B4GALT6: variants seen among roughly 807,000 people sequenced by gnomAD.
B4GALT6 encodes the protein beta-1,4-galactosyltransferase 6, also known as UDP-Gal:beta-GlcNAc beta-1,4-galactosyltransferase 6.
Under a neutral mutation model 46.3 loss-of-function variants are expected in B4GALT6, and 14 were observed. That is an observed-to-expected ratio of 0.30 (90% CI 0.20 to 0.47). B4GALT6 has a LOEUF of 0.47. B4GALT6 is among the 20% of genes least tolerant of loss of function. The probability of loss-of-function intolerance (pLI) is 0.99; values close to 1 mark genes in which losing one functional copy is unlikely to be tolerated. For synonymous variants in B4GALT6, 168 were observed against 162.0 expected (o/e 1.04, Z -0.28); for missense variants, 386 against 480.1 (o/e 0.80, Z 1.83).
chr18:31,683,908 T>C (rs2074510424), intron 1 of B4GALT6, among the ~76,000 whole-genome samples: 1 of 152,164 alleles, frequency 6.6e-6, no homozygotes, highest in Admixed American at 6.5e-5. Flanking sequence ...GGCTCCTCCA[T>C]ATTTTTACAA....
At chr18:31,711,446 TC>T in the B4GALT6 span, among the ~76,000 whole-genome samples, 1 of 152,096 alleles carries the variant, frequency 6.6e-6, no homozygotes, top group African/African-American at 2.4e-5. Flanking sequence ...TCTCTTGCTG[TC>T]CCCCTCTTTG....
chr18:31,694,223 C>G, the B4GALT6 span, among the ~76,000 whole-genome samples: 1 of 152,128 alleles, frequency 6.6e-6, no homozygotes, highest in Non-Finnish European at 1.5e-5. Context: ...GAATAATATG[C>G]CTGAGAAAGA....
upstream of B4GALT6, chr18:31,684,603 A>C: frequency 7.9e-7 from 1 of 1,263,258 alleles, no homozygotes; most frequent in Non-Finnish European, 1.0e-6. Flanking sequence ...GAGCGGACGG[A>C]ATGAATGGGA....
At chr18:31,717,721 G>A in the B4GALT6 span, among the ~76,000 whole-genome samples, 12 of 152,042 alleles carry the variant, frequency 7.9e-5, no homozygotes, top group Non-Finnish European at 1.2e-4. Context: ...TTGGGAGGCC[G>A]AGGCAGGCGG....
chr18:31,623,992 G>T lies in B4GALT6; in HGVS notation c.*1622C>A, dbSNP rs1262090294. On this transcript the variant is annotated 3_prime_UTR_variant, in exon 9 of 9. Coordinates refer to ENST00000306851, the MANE Select transcript of B4GALT6 (RefSeq NM_004775.5). ...TCACTTTATAGATATTTAATTTTTTGTTTAAAATTTGTGAAAATATCAAGA... is the reference window on the plus strand; with the variant it reads ...TCACTTTATAGATATTTAATTTTTTTTTTAAAATTTGTGAAAATATCAAGA... 1.3e-5 allele frequency: 2 copies of T among 151,674 alleles called. No individual in the cohort carries two copies. The highest frequency in any genetic ancestry group is 4.8e-5 in the African/African-American group (2 of 41,324). The allele number at this position is 151,674 out of a possible 1,614,324, so 9.4% of individuals were successfully genotyped here. A position where few individuals can be genotyped will look rare whatever the true frequency, so the allele number is the denominator to read the frequency against.
intron 4 of B4GALT6, among the ~76,000 whole-genome samples, chr18:31,639,858 A>G (rs1411190969): frequency 6.6e-6 from 1 of 152,222 alleles, no homozygotes; most frequent in Non-Finnish European, 1.5e-5. Context: ...ATGAATGATC[A>G]TCAATCATCA....
At chr18:31,673,520 A>G (rs1242270233) in intron 1 of B4GALT6, among the ~76,000 whole-genome samples, 3 of 152,280 alleles carry the variant, frequency 2.0e-5, no homozygotes, top group East Asian at 3.9e-4. Flanking sequence ...GGAAGGCAAC[A>G]TTCAGAATTG....
chr18:31,690,914 G>A, the B4GALT6 span, among the ~76,000 whole-genome samples: 47 of 152,208 alleles, frequency 3.1e-4, no homozygotes, highest in African/African-American at 9.9e-4. Context: ...ACCAAACACC[G>A]CATGTTCTCA....
intron 3 of B4GALT6, among the ~76,000 whole-genome samples, chr18:31,651,810 T>A (rs940533868): frequency 1.3e-5 from 2 of 152,044 alleles, no homozygotes; most frequent in Admixed American, 6.6e-5. Context: ...TCCCTCTGTT[T>A]CCCAGGCTGA....
chr18:31,688,356 T>C (rs1364818593), upstream of B4GALT6, among the ~76,000 whole-genome samples: 2 of 150,960 alleles, frequency 1.3e-5, no homozygotes, highest in Non-Finnish European at 2.9e-5. Context: ...AGATCTCTGG[T>C]GAGAAAAAAG....
At chr18:31,660,714 CA>C (rs1339361786) in intron 2 of B4GALT6, among the ~76,000 whole-genome samples, 4 of 150,624 alleles carry the variant, frequency 2.7e-5, no homozygotes, top group African/African-American at 9.8e-5. Context: ...ATAGGAGTTC[CA>C]AAAAGAAAGG....
chr18:31,651,260 A>C (rs2074063405), intron 3 of B4GALT6, among the ~76,000 whole-genome samples: 1 of 152,104 alleles, frequency 6.6e-6, no homozygotes, highest in Non-Finnish European at 1.5e-5. Context: ...TTACCTAATA[A>C]ACAGCACTAA....
intron 4 of B4GALT6, among the ~76,000 whole-genome samples, chr18:31,640,318 G>T (rs559001707): frequency 1.3e-5 from 2 of 152,086 alleles, no homozygotes; most frequent in South Asian, 4.1e-4. Context: ...TTTAAAATCA[G>T]GACATGATAT....
chr18:31,724,305 A>T, the B4GALT6 span: 1 of 502,674 alleles, frequency 2.0e-6, no homozygotes, highest in South Asian at 2.4e-5. Context: ...CCCTCCTCAC[A>T]TGGCAACTAT....
Position 31,625,591 on chromosome 18 carries a change from C to T in B4GALT6, c.*23G>A. 1 of 1,613,262 alleles carries T rather than the reference C, an allele frequency of 6.2e-7. No individual in the cohort carries two copies. Among genetic ancestry groups the T allele is most frequent in the Non-Finnish European group, 8.5e-7 (1 of 1,179,710 alleles). On this transcript the variant is annotated 3_prime_UTR_variant, in exon 9 of 9. Transcript: ENST00000306851. Reference sequence around the variant, plus strand: ...GTTTATGATCCAGCATTGTGGTCTACCTTGCCACGACAGCCACTTCTTTTA... The same window carrying T: ...GTTTATGATCCAGCATTGTGGTCTATCTTGCCACGACAGCCACTTCTTTTA...
upstream of B4GALT6, among the ~76,000 whole-genome samples, chr18:31,688,899 A>G (rs971865641): frequency 3.3e-5 from 5 of 152,212 alleles, no homozygotes; most frequent in African/African-American, 1.2e-4. Context: ...TATTTTGCCT[A>G]TCAGGGTAAG....
chr18:31,651,919 C>T (rs1598895997), intron 3 of B4GALT6, among the ~76,000 whole-genome samples: 1 of 152,102 alleles, frequency 6.6e-6, no homozygotes, highest in Non-Finnish European at 1.5e-5. Context: ...TTCAGGCGCC[C>T]GCCACCACGC....
At chr18:31,633,495 C>T (rs2073817497) in intron 5 of B4GALT6, among the ~76,000 whole-genome samples, 1 of 152,090 alleles carries the variant, frequency 6.6e-6, no homozygotes, top group Admixed American at 6.5e-5. Flanking sequence ...GTTATCAGAC[C>T]TTCTTTCGGT....
the B4GALT6 span, among the ~76,000 whole-genome samples, chr18:31,716,468 G>A: frequency 6.6e-6 from 1 of 152,198 alleles, no homozygotes; most frequent in African/African-American, 2.4e-5. Flanking sequence ...TCATACCCTG[G>A]AATTTTCTTA....
Sources: gnomAD v4.1 joint callset for allele counts (sites outside exome capture counted in the v4.1 genomes callset) on GRCh38, gnomAD v4.1.1 for gene constraint, MANE v1.5 for transcripts, NCBI Gene and HGNC (gene_info 2026-07-23, HGNC 2026-07-21) for gene names.